Variants in MROH2A observed in about 807,000 individuals in gnomAD.
MROH2A encodes maestro heat like repeat family member 2A.
In MROH2A, 174 loss-of-function variants were observed where a neutral mutation model predicts 200.4. The ratio of observed to expected loss-of-function variants is 0.87; its 90% CI spans 0.77 to 0.98. The LOEUF is 0.98. MROH2A is among the 50% of genes least tolerant of loss of function. The pLI, the probability that MROH2A is intolerant of heterozygous loss-of-function variation, is 0.00. For synonymous variants in MROH2A, 829 were observed against 840.4 expected (o/e 0.99, Z 0.23); for missense variants, 2,045 against 2,139.6 (o/e 0.96, Z 0.87).
intron 35 of MROH2A, among the ~76,000 whole-genome samples, chr2:233,824,168 C>G (rs1168746829): frequency 1.3e-5 from 2 of 152,238 alleles, no homozygotes; most frequent in Non-Finnish European, 2.9e-5. Context: ...TTGTGGCCAA[C>G]TAAGCTGTAG....
rs1334672312 is a variant in MROH2A at position 233,795,639 on chromosome 2, C to G, written c.967-14C>G. ...GTAGAAGGTCACCTGCCACCATTTG[C>G]CAATCCACTGCAGGTCTTGAGGCAG... On this transcript the variant is annotated splice_polypyrimidine_tract_variant and intron_variant, in intron 8 of 41. Coordinates refer to ENST00000389758, the MANE Select transcript of MROH2A (RefSeq NM_001394639.1). The G allele has an allele frequency of 6.4e-7, 1 of 1,550,838 alleles. No homozygotes were observed. Among genetic ancestry groups the G allele is most frequent in the Non-Finnish European group, 8.7e-7 (1 of 1,147,072 alleles).
Position 233,818,031 on chromosome 2 carries a change from A to G in MROH2A, c.2991A>G (p.Thr997=), listed in dbSNP as rs1446720301. 1.0e-5 allele frequency: 16 copies of G among 1,550,880 alleles called. No homozygotes were observed. Among genetic ancestry groups the G allele is most frequent in the Non-Finnish European group, 1.2e-5 (14 of 1,147,098 alleles). The change falls in exon 28 of 42, where the codon ACA becomes ACG. Residue 997 remains threonine, a synonymous_variant. Transcript: ENST00000389758. ...CIHLKLGQFG[T]MVGLIAPCTC... is the part of the protein sequence containing the mutation. ...ACCTAAAGCTGGGGCAGTTTGGCAC[A>G]ATGGTCGGACTCATTGCCCCGTGCA...
At chr2:233,792,342 ATG>A (rs1701824575) in intron 5 of MROH2A, among the ~76,000 whole-genome samples, 2 of 141,656 alleles carry the variant, frequency 1.4e-5, no homozygotes, top group African/African-American at 2.7e-5. Context: ...AGATGGAGTC[ATG>A]CTCTGTCGCC....
chr2:233,780,878 C>T (rs1047323649), intron 3 of MROH2A, among the ~76,000 whole-genome samples: 54 of 152,160 alleles, frequency 3.5e-4, no homozygotes, highest in Non-Finnish European at 7.2e-4. Context: ...CAACTTCTCC[C>T]TATCCTCCCC....
intron 8 of MROH2A, 56 bp from the exon 9 acceptor site, chr2:233,795,597 A>T: frequency 6.4e-7 from 1 of 1,550,506 alleles, no homozygotes; most frequent in Non-Finnish European, 8.7e-7. Context: ...GAGGGTCTAG[A>T]GTTTGACCTT....
chr2:233,788,913 C>A (rs371547706), intron 3 of MROH2A, among the ~76,000 whole-genome samples: 2,113 of 130,100 alleles, frequency 0.016, 56 homozygotes, highest in African/African-American at 0.058. Flanking sequence ...CACTCCAGCC[C>A]GGGCGGCAGA....
Position 233,828,858 on chromosome 2 carries a change from G to A in MROH2A, c.4264-32G>A, listed in dbSNP as rs1704513486. 2 of 1,550,028 alleles carry A rather than the reference G, an allele frequency of 1.3e-6. No individual in the cohort carries two copies. Among genetic ancestry groups the A allele is most frequent in the African/African-American group, 1.4e-5 (1 of 73,054 alleles). On this transcript the variant is annotated intron_variant, in intron 36 of 41. Coordinates refer to ENST00000389758, the MANE Select transcript of MROH2A (RefSeq NM_001394639.1). The surrounding 1 kb of genome is among the most constrained non-coding windows in gnomAD (Gnocchi z 4.6). The stretch of plus-strand genomic sequence containing the variant: ...TGCCCTGGTCAGCCTGGGAGGGAGG[G>A]TGCAGGCTGAGGGCTGCCCATGCCC...
chr2:233,813,564 C>T, intron 24 of MROH2A, 106 bp from the exon 25 acceptor site: 2 of 662,698 alleles, frequency 3.0e-6, no homozygotes, highest in Non-Finnish European at 5.3e-6. Flanking sequence ...GAGAAGTAGG[C>T]CTCTTCCTCT....
At chr2:233,808,705 C>T (rs192029863) in intron 21 of MROH2A, among the ~76,000 whole-genome samples, 16 of 152,320 alleles carry the variant, frequency 1.1e-4, no homozygotes, top group Admixed American at 7.8e-4. Flanking sequence ...GTGTGAGCAC[C>T]GTGAGGGCAA....
In MROH2A at chr2:233,796,408, C is replaced by G. The variant is rs1246699653; in HGVS notation, c.1252+95C>G. 44 of 806,788 alleles carry G rather than the reference C, an allele frequency of 5.5e-5. No individual in the cohort carries two copies. The South Asian group carries it at 7.5e-4, about 14-fold the overall frequency. The allele number at this position is 806,788 out of a possible 1,614,324, so 50.0% of individuals were successfully genotyped here. On this transcript the variant is annotated intron_variant, in intron 11 of 41. Coordinates refer to ENST00000389758, the MANE Select transcript of MROH2A (RefSeq NM_001394639.1). Reference sequence around the variant, plus strand: ...AGTTTCATTCATGTTCGGGCATTGCCACTTCCTAGACACTACTGGGTGGGC... The same window carrying G: ...AGTTTCATTCATGTTCGGGCATTGCGACTTCCTAGACACTACTGGGTGGGC...
At chr2:233,802,361 G>A in intron 15 of MROH2A, 46 bp downstream of exon 15, 1 of 1,517,762 alleles carries the variant, frequency 6.6e-7, no homozygotes, top group South Asian at 1.3e-5. Flanking sequence ...CAGGTGGGCT[G>A]GCTCCTTGTC....
chr2:233,782,506 T>A (rs1219944269), intron 3 of MROH2A, among the ~76,000 whole-genome samples: 1 of 152,204 alleles, frequency 6.6e-6, no homozygotes, highest in Non-Finnish European at 1.5e-5. Context: ...ATGGGTGAAG[T>A]GTTCTGTTGT....
At chr2:233,789,754 A>C (rs1701605002) in intron 4 of MROH2A, 98 bp from the exon 5 acceptor site, 3 of 1,480,182 alleles carry the variant, frequency 2.0e-6, no homozygotes, top group Admixed American at 4.4e-5. Context: ...GGCTGAGCCC[A>C]AGGGAACCAG....
At position 233,818,751 on chromosome 2, in the gene MROH2A, C is replaced by T; in HGVS notation, c.3185C>T (p.Ala1062Val). The T allele has an allele frequency of 1.3e-6, 2 of 1,547,852 alleles. No individual in the cohort carries two copies. The highest frequency in any genetic ancestry group is 1.7e-6 in the Non-Finnish European group (2 of 1,144,718). The part of the protein sequence containing the change: ...QSTDVEKIFC[A>V]SSRIAKVVCM... ...ACAGATGTGGAGAAGATCTTCTGTG[C>T]ATCCTCCAGAATCGCCAAGGTGACA... Residue 1062 changes from alanine to valine, a missense_variant, in exon 29 of 42, where the codon GCA becomes GTA. Around this residue, in one of 3 missense-constraint regions of MROH2A, gnomAD observed 1,201 missense variants for 1,311.3 expected, o/e 0.92. Coordinates refer to ENST00000389758, the MANE Select transcript of MROH2A (RefSeq NM_001394639.1).
intron 14 of MROH2A, 32 bp downstream of exon 14, chr2:233,800,347 G>T (rs1197504699): frequency 7.5e-7 from 1 of 1,334,826 alleles, no homozygotes. Context: ...CGCACAGTGG[G>T]TCACCACGCC....
chr2:233,804,009 G>A (rs754018968), intron 16 of MROH2A, 42 bp from the exon 17 acceptor site: 2 of 1,540,530 alleles, frequency 1.3e-6, no homozygotes, highest in Non-Finnish European at 8.8e-7. Context: ...CAAGGAGCAA[G>A]GTGCTCAGGT....
Position 233,787,769 on chromosome 2 carries a change from C to CATATATATT in MROH2A, c.277-1719_277-1711dup, listed in dbSNP as rs1328583424. On this transcript the variant is annotated intron_variant, in intron 3 of 41. Transcript: ENST00000389758. ...ATATATATTATATATATCATATATA[C>CATATATATT]ATATATATTATATATATCATATATA... is the stretch of plus-strand genomic sequence containing the variant. 1.6e-3 allele frequency among the ~76,000 whole-genome samples: 29 copies of CATATATATT among 18,434 alleles called. 9 individuals are homozygous for CATATATATT. The highest frequency in any genetic ancestry group is 8.8e-3 in the African/African-American group (27 of 3,068). 12.1% of individuals were successfully genotyped at this position (18,434 alleles called of 152,430 possible).
Position 233,805,100 on chromosome 2 carries a change from T to C in MROH2A, c.2041T>C (p.Ser681Pro), listed in dbSNP as rs894339171. The part of the protein sequence containing the change: ...NNQIASFDSP[S>P]LEKGFLYRAL... Reference sequence around the variant, plus strand: ...CCAGATTGCGAGCTTTGACAGCCCCTCTCTGGAGAAGGTTTGTCTTCATAG... The same window carrying C: ...CCAGATTGCGAGCTTTGACAGCCCCCCTCTGGAGAAGGTTTGTCTTCATAG... The change falls in exon 19 of 42, where the codon TCT (serine) becomes CCT (proline). Residue 681 changes from serine (S) to proline (P), a missense_variant. By Grantham distance (74) the Ser-to-Pro change is moderately conservative. This residue lies in a region of MROH2A where 1,201 missense variants were observed against 1,311.3 expected (regional missense o/e 0.92). Transcript: ENST00000389758. The C allele has an allele frequency of 6.5e-7, 1 of 1,549,014 alleles. No homozygotes were observed. Among genetic ancestry groups the C allele is most frequent in the Non-Finnish European group, 8.7e-7 (1 of 1,145,954 alleles).
rs749113020 is a variant in MROH2A, at chr2:233,817,994, T to C, written c.2962-8T>C. On this transcript the variant is annotated splice_region_variant and splice_polypyrimidine_tract_variant and intron_variant, in intron 27 of 41. Transcript: ENST00000389758. ...GAGGTGTGAGCCCCACGGTCTCCTGTCCCTCAGATCCACCTAAAGCTGGGG... is the reference window on the plus strand; with the variant it reads ...GAGGTGTGAGCCCCACGGTCTCCTGCCCCTCAGATCCACCTAAAGCTGGGG... The C allele has an allele frequency of 1.3e-6, 2 of 1,550,708 alleles. No homozygotes were observed. The highest frequency in any genetic ancestry group is 2.7e-5 in the African/African-American group (2 of 73,060).
Sources: allele counts gnomAD v4.1 joint callset (sites outside exome capture counted in the v4.1 genomes callset), GRCh38; gene constraint gnomAD v4.1.1; regional missense constraint gnomAD v4.1.1; non-coding constraint Gnocchi (gnomAD v3.1); transcripts MANE v1.5; gene names NCBI Gene and HGNC (gene_info 2026-07-23, HGNC 2026-07-21).